CHD7: variants seen among roughly 807,000 people sequenced by gnomAD.
CHD7 encodes ATP-dependent chromatin remodeler CHD7.
A neutral mutation model predicts 307.3 loss-of-function variants in CHD7; 24 were observed. The ratio of observed to expected loss-of-function variants is 0.08; its 90% CI spans 0.06 to 0.11. CHD7 has a LOEUF of 0.11. CHD7 is among the 10% of genes least tolerant of loss of function. The pLI is 1.00. For missense variants in CHD7, 3,106 were observed against 3,727.1 expected (o/e 0.83, Z 4.34); for synonymous variants, 1,363 against 1,349.9 (o/e 1.01, Z -0.21).
At chr8:60,743,158 C>A in intron 2 of CHD7, 61 bp downstream of exon 2, 1 of 1,428,710 alleles carries the variant, frequency 7.0e-7, no homozygotes, top group Non-Finnish European at 9.7e-7. Context: ...GCTAACTTGT[C>A]TGATCGAATT....
chr8:60,834,513 A>G lies in CHD7; in HGVS notation c.3779-1560A>G, dbSNP rs958369222. ...TTCTAAATTTCATGTTTTAAAAAAT[A>G]TTTAACTTTATTCAAGAACATTCTT... On this transcript the variant is annotated intron_variant, in intron 15 of 37. Transcript: ENST00000423902. Among the ~76,000 whole-genome samples the G allele has an allele frequency of 2.6e-5, 4 of 152,330 alleles. No individual in the cohort carries two copies. In the East Asian group the frequency reaches 5.8e-4, roughly 22 times the overall value.
chr8:60,771,825 G>A (rs1563586471), intron 2 of CHD7, among the ~76,000 whole-genome samples: 1 of 152,204 alleles, frequency 6.6e-6, no homozygotes, highest in Non-Finnish European at 1.5e-5. Context: ...CTGAAGTTCT[G>A]CACCATGTTG....
intron 2 of CHD7, among the ~76,000 whole-genome samples, chr8:60,766,670 A>G (rs1010367532): frequency 1.3e-5 from 2 of 152,212 alleles, no homozygotes; most frequent in Non-Finnish European, 2.9e-5. Flanking sequence ...ATTCAAATGT[A>G]AGACTAAGTG....
intron 1 of CHD7, among the ~76,000 whole-genome samples, chr8:60,687,204 A>C (rs1228494497): frequency 6.6e-6 from 1 of 152,250 alleles, no homozygotes; most frequent in Non-Finnish European, 1.5e-5. Context: ...TCATAGTGAG[A>C]AGTCCCTCGA....
chr8:60,744,167 TAAACAAGGGCACGGGA>T (rs574653461), intron 2 of CHD7, among the ~76,000 whole-genome samples: 1 of 152,314 alleles, frequency 6.6e-6, no homozygotes, highest in South Asian at 2.1e-4. Flanking sequence ...GATGGTTTGC[TAAACAAGGGCACGGGA>T]AGTCAAGCTT....
At chr8:60,777,644 C>T (rs554639785) in intron 2 of CHD7, among the ~76,000 whole-genome samples, 3 of 152,150 alleles carry the variant, frequency 2.0e-5, no homozygotes, top group African/African-American at 4.8e-5. Context: ...GTTTTATATA[C>T]GATAATTTAG....
chr8:60,722,903 G>A (rs924380833), intron 1 of CHD7, among the ~76,000 whole-genome samples: 7 of 152,218 alleles, frequency 4.6e-5, no homozygotes, highest in Admixed American at 3.9e-4. Context: ...ACAAGGGGTA[G>A]CTTCTTAAAG....
rs1360515765 is a variant in CHD7 at position 60,852,673 on chromosome 8, C to G, written c.6070C>G (p.Arg2024Gly). Residue 2024 changes from arginine (R) to glycine (G), a missense_variant, in exon 30 of 38, where the codon CGA (arginine) becomes GGA (glycine). Physicochemically the swap from Arg to Gly is moderately radical, Grantham distance 125. Transcript: ENST00000423902. ...YFSCFVAMCRRVCRMPVKPDD... is the reference protein window; with the variant it reads ...YFSCFVAMCRGVCRMPVKPDD... ...CAGTTGTTTTGTGGCCATGTGTAGGCGAGTATGTCGAATGCCCGTCAAGCC... is the reference window on the plus strand; with the variant it reads ...CAGTTGTTTTGTGGCCATGTGTAGGGGAGTATGTCGAATGCCCGTCAAGCC... The G allele has an allele frequency of 3.7e-6, 6 of 1,613,610 alleles. No individual in the cohort carries two copies. The highest frequency in any genetic ancestry group is 5.1e-6 in the Non-Finnish European group (6 of 1,179,856).
intron 2 of CHD7, among the ~76,000 whole-genome samples, chr8:60,747,142 T>A (rs1809367105): frequency 1.3e-5 from 2 of 152,240 alleles, no homozygotes; most frequent in South Asian, 4.1e-4. Flanking sequence ...AGTGGCGCGT[T>A]CTTGGCTCAC....
At chr8:60,850,380 T>A in intron 25 of CHD7, 113 bp from the exon 26 acceptor site, 2 of 1,315,012 alleles carry the variant, frequency 1.5e-6, no homozygotes, top group Non-Finnish European at 2.1e-6. Flanking sequence ...TCAACAGAGA[T>A]GCTAACCTTG....
chr8:60,707,552 C>G (rs1261478424), intron 1 of CHD7, among the ~76,000 whole-genome samples: 2 of 152,192 alleles, frequency 1.3e-5, no homozygotes, highest in Non-Finnish European at 2.9e-5. Flanking sequence ...TAAGAACCTA[C>G]TTTGAGGGAT....
At chr8:60,698,664 A>G (rs2150502697) in intron 1 of CHD7, among the ~76,000 whole-genome samples, 1 of 152,334 alleles carries the variant, frequency 6.6e-6, no homozygotes, top group South Asian at 2.1e-4. Flanking sequence ...GAATTGAACT[A>G]TAGTTAATAT....
At chr8:60,811,566 A>G (rs1046497801) in intron 7 of CHD7, among the ~76,000 whole-genome samples, 32 of 152,294 alleles carry the variant, frequency 2.1e-4, no homozygotes, top group African/African-American at 7.5e-4. Context: ...CCATTCAACC[A>G]GCCTCCTGTG....
chr8:60,747,328 G>A (rs912321558), intron 2 of CHD7, among the ~76,000 whole-genome samples: 8 of 152,030 alleles, frequency 5.3e-5, no homozygotes, highest in Admixed American at 3.9e-4. Flanking sequence ...TCCACCCGCT[G>A]TGGCCTCCCA....
chr8:60,795,330 C>T (rs145572508), intron 4 of CHD7, among the ~76,000 whole-genome samples: 1 of 152,186 alleles, frequency 6.6e-6, no homozygotes, highest in East Asian at 1.9e-4. Flanking sequence ...ACAAGAGTGG[C>T]TTGGTTTTGC....
chr8:60,760,430 T>C (rs1397046436), intron 2 of CHD7, among the ~76,000 whole-genome samples: 2 of 146,700 alleles, frequency 1.4e-5, no homozygotes, highest in African/African-American at 5.1e-5. Context: ...GACATAGGCA[T>C]GGGCAAGGAC....
At chr8:60,857,576 T>G (rs1034497971) in intron 34 of CHD7, among the ~76,000 whole-genome samples, 2 of 152,194 alleles carry the variant, frequency 1.3e-5, no homozygotes, top group Non-Finnish European at 2.9e-5. Context: ...GGTTTAGCAC[T>G]ATATATCTTG....
chr8:60,841,149 T>C (rs1411276982), intron 19 of CHD7, among the ~76,000 whole-genome samples: 1 of 152,230 alleles, frequency 6.6e-6, no homozygotes, highest in Non-Finnish European at 1.5e-5. Context: ...TGTTAACATA[T>C]ACAGACACTG....
rs779197369 is a variant in CHD7 at position 60,856,518 on chromosome 8, G to T, written c.7238G>T (p.Arg2413Ile). ...RRRKIEIEAE[R>I]AAKRRNLMEM... is the part of the protein sequence containing the mutation. The stretch of plus-strand genomic sequence containing the variant: ...AGAAAAATCGAAATTGAGGCCGAAA[G>T]AGCTGCCAAGAGGCGAAATCTCATG... Residue 2413 changes from arginine (R) to isoleucine (I), a missense_variant, in exon 34 of 38, where the codon AGA (arginine) becomes ATA (isoleucine). Physicochemically the swap from Arg to Ile is moderately conservative, Grantham distance 97 (BLOSUM62 -3). Around this residue, in one of 10 missense-constraint regions of CHD7, gnomAD observed 1,030 missense variants for 1,165.4 expected, o/e 0.88. Coordinates refer to ENST00000423902, the MANE Select transcript of CHD7 (RefSeq NM_017780.4). 2.5e-6 allele frequency: 4 copies of T among 1,613,970 alleles called. No individual in the cohort carries two copies. Among genetic ancestry groups the T allele is most frequent in the Non-Finnish European group, 3.4e-6 (4 of 1,179,884 alleles).
Sources: allele counts gnomAD v4.1 joint callset (sites outside exome capture counted in the v4.1 genomes callset), GRCh38; gene constraint gnomAD v4.1.1; regional missense constraint gnomAD v4.1.1; transcripts MANE v1.5; gene names NCBI Gene and HGNC (gene_info 2026-07-23, HGNC 2026-07-21).